Variants in MEF2B observed in about 807,000 individuals in gnomAD.
MEF2B encodes the protein myocyte-specific enhancer factor 2B.
MEF2B carries 15 observed loss-of-function variants against 32.2 expected under a neutral mutation model. That is an observed-to-expected ratio of 0.47 (90% confidence interval 0.31 to 0.72). The LOEUF (loss-of-function observed/expected upper bound fraction) is 0.72. Ranked by LOEUF, MEF2B falls within the 30% of genes least tolerant of loss-of-function variation. The pLI, the probability that MEF2B is intolerant of heterozygous loss-of-function variation, is 0.05. For synonymous variants in MEF2B, 205 were observed against 225.6 expected (o/e 0.91, Z 0.82); for missense variants, 441 against 511.5 (o/e 0.86, Z 1.33).
At chr19:19,155,536 A>T (rs750243931) in intron 1 of MEF2B, among the ~76,000 whole-genome samples, 19 of 152,300 alleles carry the variant, frequency 1.2e-4, no homozygotes, top group Non-Finnish European at 2.5e-4. Flanking sequence ...GACCCCCTCC[A>T]CAACCCTACA....
In MEF2B at chr19:19,150,340, C is replaced by T. The variant is rs534583595; in HGVS notation, c.54+342G>A. On this transcript the variant is annotated intron_variant, in intron 2 of 8. Transcript: ENST00000424583. Reference sequence around the variant, plus strand: ...GTCAGGAGTTCGAGACTAGCCTGGCCCACATGGTGAAACCCCGTCTCTACT... The same window carrying T: ...GTCAGGAGTTCGAGACTAGCCTGGCTCACATGGTGAAACCCCGTCTCTACT... Among the ~76,000 whole-genome samples, 324 of 151,652 alleles carry T rather than the reference C, an allele frequency of 2.1e-3. 2 individuals carry two copies. Among genetic ancestry groups the T allele is most frequent in the African/African-American group, 7.4e-3 (304 of 41,348 alleles).
chr19:19,162,879 G>A (rs1465820022), intron 1 of MEF2B, among the ~76,000 whole-genome samples: 1 of 152,152 alleles, frequency 6.6e-6, no homozygotes, highest in African/African-American at 2.4e-5. Flanking sequence ...TCCTGTGTTT[G>A]CAGGGGTCCC....
intron 3 of MEF2B, among the ~76,000 whole-genome samples, chr19:19,148,692 T>C (rs1326074436): frequency 1.4e-5 from 2 of 145,878 alleles, no homozygotes; most frequent in African/African-American, 5.3e-5. Flanking sequence ...TATTTATTTA[T>C]TTATTTATTT....
At chr19:19,161,249 A>C (rs2060159284) in intron 1 of MEF2B, among the ~76,000 whole-genome samples, 1 of 152,032 alleles carries the variant, frequency 6.6e-6, no homozygotes, top group Non-Finnish European at 1.5e-5. Flanking sequence ...GCGGGCCCCA[A>C]AAAGTCCCTG....
intron 1 of MEF2B, among the ~76,000 whole-genome samples, chr19:19,169,821 G>A (rs2060239458): frequency 6.6e-6 from 1 of 152,090 alleles, no homozygotes; most frequent in African/African-American, 2.4e-5. Flanking sequence ...CACAGGGGAT[G>A]CGCTAATGCT....
intron 3 of MEF2B, 101 bp from the exon 4 acceptor site, chr19:19,147,933 G>A (rs2146353779): frequency 6.7e-7 from 1 of 1,482,234 alleles, no homozygotes; most frequent in Admixed American, 2.3e-5. Context: ...CCAGCTCCAT[G>A]AGTGGGGAGG....
At position 19,162,006 on chromosome 19, in the gene MEF2B, C is replaced by T. The variant is rs532806271; in HGVS notation, c.-30+8199G>A. 1.2e-3 allele frequency among the ~76,000 whole-genome samples: 186 copies of T among 152,210 alleles called. 1 individual carries two copies. The highest frequency in any genetic ancestry group is 4.4e-3 in the African/African-American group (181 of 41,526). On this transcript the variant is annotated intron_variant, in intron 1 of 8. Transcript: ENST00000424583. ...TATTTTTAGTACAGACAGGGTTTCA[C>T]CATGTTGGCCAGGCTGGTCTTGAAC...
At position 19,147,874 on chromosome 19, in the gene MEF2B, C is replaced by T. The variant is rs201400803; in HGVS notation, c.259-42G>A. ...CAACAGGGTAGACCCTTACCCCTAC[C>T]CCACCCAGGGAACCCAGTTCTATGG... On this transcript the variant is annotated intron_variant, in intron 3 of 8. Transcript: ENST00000424583. 62 of 1,587,014 alleles carry T rather than the reference C, an allele frequency of 3.9e-5. No individual in the cohort carries two copies. The African/African-American group carries it at 7.4e-4, about 19-fold the overall frequency.
chr19:19,155,849 T>C (rs2060116572), intron 1 of MEF2B, among the ~76,000 whole-genome samples: 1 of 152,098 alleles, frequency 6.6e-6, no homozygotes. Flanking sequence ...AGCTGAGGTT[T>C]GGGGAGGCCT....
chr19:19,150,579 C>T, intron 2 of MEF2B, 103 bp downstream of exon 2: 1 of 1,495,846 alleles, frequency 6.7e-7, no homozygotes. Flanking sequence ...CCTCATGCCT[C>T]CTCATTCCCC....
Position 19,146,894 on chromosome 19 carries a change from C to CAG in MEF2B, c.542-21_542-20dup. The CAG allele has an allele frequency of 6.2e-7, 1 of 1,605,374 alleles. No individual in the cohort carries two copies. On this transcript the variant is annotated intron_variant, in intron 5 of 8. Coordinates refer to ENST00000424583, the MANE Select transcript of MEF2B (RefSeq NM_001145785.2). Reference sequence around the variant, plus strand: ...ACCAGGCCTGGGGAAGAGGAGACCCCAGAGAGAGAGGACAGGCAGGCCATG... The same window carrying CAG: ...ACCAGGCCTGGGGAAGAGGAGACCCCAGAGAGAGAGAGGACAGGCAGGCCATG...
intron 1 of MEF2B, among the ~76,000 whole-genome samples, chr19:19,155,971 A>G (rs2060117510): frequency 6.6e-6 from 1 of 152,216 alleles, no homozygotes; most frequent in Non-Finnish European, 1.5e-5. Context: ...AATGGAGCAC[A>G]GAAGAAAGAA....
intron 1 of MEF2B, among the ~76,000 whole-genome samples, chr19:19,165,066 T>C (rs1029989914): frequency 2.0e-5 from 3 of 151,804 alleles, no homozygotes; most frequent in Admixed American, 1.3e-4. Flanking sequence ...GAGATGGGGC[T>C]TTAGGACACT....
At chr19:19,154,444 G>A (rs2060106685) in intron 1 of MEF2B, among the ~76,000 whole-genome samples, 1 of 152,100 alleles carries the variant, frequency 6.6e-6, no homozygotes, top group African/African-American at 2.4e-5. Flanking sequence ...TTACAGGCAT[G>A]AGCCACCGCG....
Position 19,145,633 on chromosome 19 carries a change from G to T in MEF2B, c.*164C>A, listed in dbSNP as rs1038179826. The T allele has an allele frequency of 4.1e-6, 6 of 1,467,028 alleles. No individual in the cohort carries two copies. The highest frequency in any genetic ancestry group is 4.6e-6 in the Non-Finnish European group (5 of 1,094,584). 90.9% of individuals were successfully genotyped at this position (1,467,028 alleles called of 1,614,324 possible). A position where few individuals can be genotyped will look rare whatever the true frequency, so the allele number is the denominator to read the frequency against. ...CACACAAATAGGAAGAAGGAAAGGA[G>T]CCCCCCAGGGTGGATTGAGTCCAGC... On this transcript the variant is annotated 3_prime_UTR_variant, in exon 9 of 9. Transcript: ENST00000424583. The surrounding 1 kb of genome is among the most constrained non-coding windows in gnomAD (Gnocchi z 4.6).
intron 1 of MEF2B, among the ~76,000 whole-genome samples, chr19:19,162,565 A>G (rs1454490090): frequency 2.0e-5 from 3 of 152,148 alleles, no homozygotes; most frequent in African/African-American, 4.8e-5. Flanking sequence ...AGAAGGCCCC[A>G]TGGGGGTCCT....
intron 1 of MEF2B, among the ~76,000 whole-genome samples, chr19:19,153,641 G>A (rs2060100087): frequency 6.6e-6 from 1 of 152,110 alleles, no homozygotes; most frequent in African/African-American, 2.4e-5. Flanking sequence ...ATTTTTAGTA[G>A]AGACGGGGTT....
chr19:19,147,201 A>T lies in MEF2B; in HGVS notation c.394-18T>A. 2 of 1,556,986 alleles carry T rather than the reference A, an allele frequency of 1.3e-6. No homozygotes were observed. The highest frequency in any genetic ancestry group is 1.7e-6 in the Non-Finnish European group (2 of 1,151,636). On this transcript the variant is annotated intron_variant, in intron 4 of 8. Coordinates refer to ENST00000424583, the MANE Select transcript of MEF2B (RefSeq NM_001145785.2). ...GCTGCAGGCTGTGGGTAGAGAAGGGATGGGTCAGAGGACCCCAGGCCAGAT... is the reference window on the plus strand; with the variant it reads ...GCTGCAGGCTGTGGGTAGAGAAGGGTTGGGTCAGAGGACCCCAGGCCAGAT...
chr19:19,151,579 TC>T lies in MEF2B; in HGVS notation c.-29-816del, dbSNP rs2060080254. ...ACGTCCCCTGACACCACAGGGGACG[TC>T]CCCGCTCCGCCAACTGTGTGACCAC... On this transcript the variant is annotated intron_variant, in intron 1 of 8. Coordinates refer to ENST00000424583, the MANE Select transcript of MEF2B (RefSeq NM_001145785.2). Among the ~76,000 whole-genome samples, 3 of 152,004 alleles carry T rather than the reference TC, an allele frequency of 2.0e-5. No individual in the cohort carries two copies. In the South Asian group the frequency reaches 6.2e-4, roughly 32 times the overall value.
Sources: gnomAD v4.1 joint callset for allele counts (sites outside exome capture counted in the v4.1 genomes callset) on GRCh38, gnomAD v4.1.1 for gene constraint, Gnocchi (gnomAD v3.1) non-coding constraint, MANE v1.5 for transcripts, NCBI Gene and HGNC (gene_info 2026-07-23, HGNC 2026-07-21) for gene names.